The following ZMYND8 variants were observed in gnomAD, a reference collection of about 807,000 sequenced individuals.
ZMYND8 encodes MYND-type zinc finger-containing chromatin reader ZMYND8.
In ZMYND8, 37 loss-of-function variants were observed where a neutral mutation model predicts 140.8. The observed-to-expected ratio is 0.26, with a 90% confidence interval of 0.20 to 0.35. The LOEUF is 0.35. Among genes scored for constraint, ZMYND8 ranks in the 10% least tolerant of loss-of-function variants. The pLI is 1.00. For missense variants in ZMYND8, 1,068 were observed against 1,570.0 expected, an observed-to-expected ratio of 0.68 and a Z score of 5.40; for synonymous variants, 592 against 597.1, an observed-to-expected ratio of 0.99 and a Z score of 0.12.
chr20:47,336,242 T>C (rs2081375954), intron 2 of ZMYND8, among the ~76,000 whole-genome samples: 1 of 152,192 alleles, frequency 6.6e-6, no homozygotes, highest in East Asian at 1.9e-4. Context: ...AGCAAATTGC[T>C]ATAATTGTAC....
chr20:47,218,229 C>T (rs1386923637), intron 21 of ZMYND8, among the ~76,000 whole-genome samples: 2 of 152,184 alleles, frequency 1.3e-5, no homozygotes, highest in Non-Finnish European at 2.9e-5. Flanking sequence ...TGCCACCCTC[C>T]TGATGCCAAC....
At chr20:47,306,514 A>G (rs879291675) in intron 3 of ZMYND8, among the ~76,000 whole-genome samples, 3 of 152,070 alleles carry the variant, frequency 2.0e-5, no homozygotes, top group African/African-American at 7.2e-5. Context: ...AACTCATCCC[A>G]TATTTTCACA....
intron 2 of ZMYND8, 145 bp from the exon 3 acceptor site, chr20:47,310,349 A>C (rs1192638758): frequency 1.2e-5 from 10 of 852,280 alleles, no homozygotes; most frequent in Non-Finnish European, 1.6e-5. Flanking sequence ...CTCCTCCCAG[A>C]ATATACGTGC....
rs756782966 is a variant in ZMYND8 at position 47,210,694 on chromosome 20, TTTC to T, written c.*64_*66del. 11 of 1,613,104 alleles carry T rather than the reference TTTC, an allele frequency of 6.8e-6. No individual in the cohort carries two copies. The highest frequency in any genetic ancestry group is 9.3e-6 in the Non-Finnish European group (11 of 1,179,422). On this transcript the variant is annotated 3_prime_UTR_variant, in exon 23 of 23. Transcript: ENST00000471951. ...AGTGGCTGTTCTCCTGCCTTTGTTG[TTTC>T]TTCTTTTCCTGGCGTCTGGGTTTTT...
chr20:47,349,939 T>A, intron 1 of ZMYND8: 1 of 1,535,372 alleles, frequency 6.5e-7, no homozygotes. Context: ...GGAACCATTA[T>A]TTGGCTTGTA....
At chr20:47,339,965 C>A (rs1356235132) in intron 2 of ZMYND8, among the ~76,000 whole-genome samples, 1 of 151,398 alleles carries the variant, frequency 6.6e-6, no homozygotes, top group African/African-American at 2.4e-5. Flanking sequence ...TTTTTTGAGA[C>A]GGAGTCTCAC....
intron 10 of ZMYND8, among the ~76,000 whole-genome samples, chr20:47,279,481 C>T (rs966409377): frequency 4.0e-5 from 6 of 148,870 alleles, no homozygotes; most frequent in African/African-American, 1.5e-4. Context: ...CAGAGCAAGA[C>T]CCCCCTCTTA....
At position 47,244,486 on chromosome 20, in the gene ZMYND8, T is replaced by G. The variant is rs2040316446; in HGVS notation, c.2284+1522A>C. On this transcript the variant is annotated intron_variant, in intron 14 of 22. Coordinates refer to ENST00000471951, the MANE Select transcript of ZMYND8 (RefSeq NM_001281775.3). ...CCAATCATTCCCACACCCCTTTTGTTGGGCTTGTTAACATGCCCAGGCTGC... is the reference window on the plus strand; with the variant it reads ...CCAATCATTCCCACACCCCTTTTGTGGGGCTTGTTAACATGCCCAGGCTGC... 5.3e-5 allele frequency among the ~76,000 whole-genome samples: 8 copies of G among 152,328 alleles called. No homozygotes were observed. In the South Asian group the frequency reaches 1.7e-3, roughly 32 times the overall value.
At chr20:47,329,026 G>T (rs1032897731) in intron 2 of ZMYND8, among the ~76,000 whole-genome samples, 1 of 152,204 alleles carries the variant, frequency 6.6e-6, no homozygotes, top group African/African-American at 2.4e-5. Flanking sequence ...ATTCAGCAGG[G>T]CCTGAACAAA....
rs773654476 is a variant in ZMYND8, at chr20:47,276,454, G to A, written c.1340C>T (p.Ser447Leu). 5.6e-6 allele frequency: 9 copies of A among 1,614,100 alleles called. No individual in the cohort carries two copies. The highest frequency in any genetic ancestry group is 2.2e-5 in the East Asian group (1 of 44,862). Residue 447 changes from serine (S) to leucine (L), a missense_variant, in exon 11 of 23, where the codon TCG becomes TTG. By Grantham distance (145) the Ser-to-Leu change is moderately radical (BLOSUM62 -2). This residue lies in a region of ZMYND8 where 173 missense variants were observed against 223.3 expected (regional missense o/e 0.77). Transcript: ENST00000471951. ...SGGTGRRISL[S>L]DMPRSPMSTN... is the part of the protein sequence containing the mutation. Reference sequence around the variant, plus strand: ...GCTCATGGGGGAGCGCGGCATATCCGACAAGGAAATCCGGCGGCCTGTGCC... The same window carrying A: ...GCTCATGGGGGAGCGCGGCATATCCAACAAGGAAATCCGGCGGCCTGTGCC...
At position 47,226,044 on chromosome 20, in the gene ZMYND8, G is replaced by A. The variant is rs529557436; in HGVS notation, c.3016+1159C>T. 5.3e-5 allele frequency among the ~76,000 whole-genome samples: 8 copies of A among 151,944 alleles called. 1 individual carries two copies. The highest frequency in any genetic ancestry group is 1.4e-4 in the African/African-American group (6 of 41,438). On this transcript the variant is annotated intron_variant, in intron 18 of 22. Transcript: ENST00000471951. ...TGCATGCCTGTAATCCCAGCTACTC[G>A]GGAGGCTGAGGCATGAAAATCACTT...
At chr20:47,285,606 G>T (rs2076873271) in intron 8 of ZMYND8, 1 of 864,324 alleles carries the variant, frequency 1.2e-6, no homozygotes, top group Non-Finnish European at 1.4e-6. Context: ...CATTGTAACT[G>T]GAACATCTGA....
At chr20:47,253,912 T>C (rs1043431810) in intron 12 of ZMYND8, among the ~76,000 whole-genome samples, 1 of 152,268 alleles carries the variant, frequency 6.6e-6, no homozygotes, top group Admixed American at 6.5e-5. Flanking sequence ...AGTAAGCTGC[T>C]GTTATGTTTA....
Position 47,224,533 on chromosome 20 carries a change from G to C in ZMYND8, c.3040C>G (p.Gln1014Glu). The part of the protein sequence containing the change: ...NLELTMAEMR[Q>E]SLEQERDRLI... ...CGGTCCCGCTCCTGCTCCAGGCTCT[G>C]CCGCATCTCCGCCATGGTCAGCTCT... The change falls in exon 19 of 23, where the codon CAG becomes GAG. Residue 1014 changes from glutamine to glutamate, a missense_variant. Gln to Glu is a conservative substitution (Grantham distance 29). Around this residue, in one of 10 missense-constraint regions of ZMYND8, gnomAD observed 87 missense variants for 151.1 expected, o/e 0.58. Transcript: ENST00000471951. 1 of 1,613,720 alleles carries C rather than the reference G, an allele frequency of 6.2e-7. No homozygotes were observed. Among genetic ancestry groups the C allele is most frequent in the Non-Finnish European group, 8.5e-7 (1 of 1,180,054 alleles).
Position 47,210,769 on chromosome 20 carries a change from A to G in ZMYND8, c.3697T>C (p.Trp1233Arg). Reference sequence around the variant, plus strand: ...TGTGTCCCGATTCACTGCTAGTCCCAGAAGGTGTCCAGCCGAGACTCTTTC... The same window carrying G: ...TGTGTCCCGATTCACTGCTAGTCCCGGAAGGTGTCCAGCCGAGACTCTTTC... ...LPKESRLDTF[W>R]D Residue 1233 changes from tryptophan to arginine, a missense_variant, in exon 23 of 23, where the codon TGG becomes CGG. Transcript: ENST00000471951. 1 of 1,614,092 alleles carries G rather than the reference A, an allele frequency of 6.2e-7. No individual in the cohort carries two copies. The highest frequency in any genetic ancestry group is 1.1e-5 in the South Asian group (1 of 91,072).
chr20:47,257,644 AC>A (rs2147484230), intron 12 of ZMYND8, among the ~76,000 whole-genome samples: 1 of 152,284 alleles, frequency 6.6e-6, no homozygotes, highest in African/African-American at 2.4e-5. Context: ...ATACACACAT[AC>A]ATATACTCAT....
At chr20:47,345,880 A>T (rs1411471229) in intron 2 of ZMYND8, among the ~76,000 whole-genome samples, 1 of 150,926 alleles carries the variant, frequency 6.6e-6, no homozygotes, top group African/African-American at 2.4e-5. Context: ...CTGGTTTCAA[A>T]CTCCTGGCCT....
At chr20:47,295,997 T>C (rs1425578198) in intron 4 of ZMYND8, among the ~76,000 whole-genome samples, 1 of 152,160 alleles carries the variant, frequency 6.6e-6, no homozygotes, top group Non-Finnish European at 1.5e-5. Context: ...GTCTCGTTGG[T>C]TGTCGAGGAA....
chr20:47,227,160 A>G, intron 18 of ZMYND8, 43 bp downstream of exon 18: 1 of 1,606,304 alleles, frequency 6.2e-7, no homozygotes, highest in South Asian at 1.1e-5. Context: ...AGAAGTTCAC[A>G]CCCAAAACCC....
Sources: allele counts gnomAD v4.1 joint callset (sites outside exome capture counted in the v4.1 genomes callset), GRCh38; gene constraint gnomAD v4.1.1; regional missense constraint gnomAD v4.1.1; transcripts MANE v1.5; gene names NCBI Gene and HGNC (gene_info 2026-07-23, HGNC 2026-07-21).